STAB2: variants seen among roughly 807,000 people sequenced by gnomAD.
The protein encoded by STAB2 is stabilin 2.
STAB2 carries 288 observed loss-of-function variants against 338.1 expected under a neutral mutation model. The observed-to-expected ratio is 0.85, with a 90% CI of 0.77 to 0.94. STAB2 has a LOEUF of 0.94. STAB2 is among the 40% of genes least tolerant of loss of function. The pLI is 0.00. For synonymous variants in STAB2, 1,202 were observed against 1,193.3 expected (o/e 1.01, Z -0.15); for missense variants, 3,141 against 3,210.1 (o/e 0.98, Z 0.52).
chr12:103,594,367 G>A (rs754458120), intron 2 of STAB2, 28 bp from the exon 3 acceptor site: 1 of 1,570,590 alleles, frequency 6.4e-7, no homozygotes, highest in Admixed American at 1.7e-5. Flanking sequence ...TCTTATCGTG[G>A]GTTAATGTCC....
chr12:103,753,348 CAGA>C lies in STAB2; in HGVS notation c.6712_6714del (p.Lys2238del), dbSNP rs1401480000. 1.2e-6 allele frequency: 2 copies of C among 1,614,248 alleles called. No homozygotes were observed. Among genetic ancestry groups the C allele is most frequent in the Non-Finnish European group, 1.7e-6 (2 of 1,180,050 alleles). On this transcript the variant is annotated inframe_deletion and splice_region_variant, in exon 61 of 69. Coordinates refer to ENST00000388887, the MANE Select transcript of STAB2 (RefSeq NM_017564.10). ...AACCTACAACCAGCTCTCCTATGCC[CAGA>C]AGGTGGGTCTTCAGTTAGCAGATTC...
intron 9 of STAB2, among the ~76,000 whole-genome samples, chr12:103,646,396 C>A (rs1393723612): frequency 6.6e-6 from 1 of 152,192 alleles, no homozygotes; most frequent in African/African-American, 2.4e-5. Flanking sequence ...TCACTGTTGT[C>A]ATTATAGTCA....
At chr12:103,665,739 G>A (rs971385414) in intron 18 of STAB2, among the ~76,000 whole-genome samples, 1 of 152,126 alleles carries the variant, frequency 6.6e-6, no homozygotes, top group Non-Finnish European at 1.5e-5. Context: ...ACCTTCTGGG[G>A]CACAGAGCCA....
At chr12:103,676,209 G>C (rs1346896028) in intron 24 of STAB2, among the ~76,000 whole-genome samples, 188 bp downstream of exon 24, 1 of 151,858 alleles carries the variant, frequency 6.6e-6, no homozygotes, top group African/African-American at 2.4e-5. Context: ...TTACAGGCAC[G>C]TGCCACCACC....
chr12:103,619,081 T>C (rs1276234419), intron 3 of STAB2, among the ~76,000 whole-genome samples: 1 of 152,222 alleles, frequency 6.6e-6, no homozygotes, highest in Non-Finnish European at 1.5e-5. Flanking sequence ...TGTGGAACAG[T>C]GAGTCCATTA....
intron 9 of STAB2, among the ~76,000 whole-genome samples, chr12:103,643,830 G>A (rs868186827): frequency 3.3e-5 from 5 of 150,782 alleles, no homozygotes; most frequent in East Asian, 3.9e-4. Context: ...GGAGGGAGGT[G>A]GGGGGGTCAG....
chr12:103,706,646 A>G lies in STAB2; in HGVS notation c.3997-146A>G. The G allele has an allele frequency of 2.9e-6, 3 of 1,020,126 alleles. No individual in the cohort carries two copies. The East Asian group carries it at 7.8e-5, about 27-fold the overall frequency. The allele number at this position is 1,020,126 out of a possible 1,614,324, so 63.2% of individuals were successfully genotyped here. ...TTGCCAAGCCTCACCCAGTCCCCAG[A>G]GGGTCCTGCCCCCACCCCTCACCCA... On this transcript the variant is annotated intron_variant, in intron 37 of 68. Coordinates refer to ENST00000388887, the MANE Select transcript of STAB2 (RefSeq NM_017564.10).
chr12:103,647,525 T>C (rs1242593229), intron 9 of STAB2, among the ~76,000 whole-genome samples: 1 of 152,230 alleles, frequency 6.6e-6, no homozygotes, highest in Non-Finnish European at 1.5e-5. Flanking sequence ...GTGAAAGTCA[T>C]CTTCCTCATC....
chr12:103,619,751 C>A (rs116159759), intron 3 of STAB2, among the ~76,000 whole-genome samples: 1 of 149,060 alleles, frequency 6.7e-6, no homozygotes, highest in South Asian at 2.1e-4. Context: ...TCAGCAACGC[C>A]CCCCGCCCCC....
chr12:103,751,848 A>C (rs1883685030), intron 60 of STAB2, among the ~76,000 whole-genome samples: 1 of 152,226 alleles, frequency 6.6e-6, no homozygotes, highest in East Asian at 1.9e-4. Flanking sequence ...TGGCAGTGAT[A>C]CTAAGTGACT....
chr12:103,741,119 G>T (rs943578904), intron 55 of STAB2, among the ~76,000 whole-genome samples: 5 of 152,116 alleles, frequency 3.3e-5, no homozygotes, highest in African/African-American at 1.2e-4. Flanking sequence ...TCCCTTGGCA[G>T]GTGATGTACT....
intron 4 of STAB2, among the ~76,000 whole-genome samples, chr12:103,621,553 T>G (rs1957302278): frequency 6.6e-6 from 1 of 152,112 alleles, no homozygotes; most frequent in South Asian, 2.1e-4. Context: ...GCCAACATGG[T>G]GAAACCTGTC....
chr12:103,608,170 G>C (rs182160243), intron 3 of STAB2, among the ~76,000 whole-genome samples: 2 of 152,158 alleles, frequency 1.3e-5, no homozygotes, highest in East Asian at 3.8e-4. Context: ...GCAGAGCCTC[G>C]CTCTGTCGCC....
chr12:103,749,524 A>G (rs1292524914), intron 59 of STAB2, among the ~76,000 whole-genome samples: 2 of 151,992 alleles, frequency 1.3e-5, no homozygotes, highest in Admixed American at 1.3e-4. Flanking sequence ...ATCCTAAATA[A>G]AAGGCTTATT....
chr12:103,698,371 G>A (rs1413981011), intron 33 of STAB2, among the ~76,000 whole-genome samples: 2 of 152,050 alleles, frequency 1.3e-5, no homozygotes, highest in African/African-American at 2.4e-5. Flanking sequence ...TTGAAGTAGC[G>A]GGGTAAGAAG....
rs1566052071 is a variant in STAB2 at position 103,727,342 on chromosome 12, G to C, written c.4927G>C (p.Glu1643Gln). Residue 1643 changes from glutamate (E) to glutamine (Q), a missense_variant, in exon 47 of 69, where the codon GAA (glutamate) becomes CAA (glutamine). Physicochemically the swap from Glu to Gln is conservative, Grantham distance 29. Coordinates refer to ENST00000388887, the MANE Select transcript of STAB2 (RefSeq NM_017564.10). The part of the protein sequence containing the change: ...FAPLSAAFDE[E>Q]ARVKDWDKYG... ...ACCTTTATCTGCAGCCTTTGATGAG[G>C]AAGCTCGGGTGAGCATGAGACTGTG... 11 of 1,614,226 alleles carry C rather than the reference G, an allele frequency of 6.8e-6. No homozygotes were observed. The highest frequency in any genetic ancestry group is 7.6e-6 in the Non-Finnish European group (9 of 1,180,026).
chr12:103,633,793 T>A (rs1957502347), intron 6 of STAB2, among the ~76,000 whole-genome samples: 1 of 152,214 alleles, frequency 6.6e-6, no homozygotes, highest in Admixed American at 6.5e-5. Context: ...GAGGTTTATT[T>A]TCATTTGTTT....
Position 103,764,166 on chromosome 12 carries a change from T to C in STAB2, c.7605+558T>C, listed in dbSNP as rs145988279. 2.0e-3 allele frequency among the ~76,000 whole-genome samples: 297 copies of C among 152,238 alleles called. 2 individuals are homozygous for C. Among genetic ancestry groups the C allele is most frequent in the African/African-American group, 6.9e-3 (285 of 41,540 alleles). On this transcript the variant is annotated intron_variant, in intron 68 of 68. Coordinates refer to ENST00000388887, the MANE Select transcript of STAB2 (RefSeq NM_017564.10). ...CAGGGTTTCTCCATGTTGGTCAGGC[T>C]GGTCTCGAACTCCCAACCTCAGGTG...
intron 54 of STAB2, among the ~76,000 whole-genome samples, 164 bp downstream of exon 54, chr12:103,739,632 TG>T (rs1404395319): frequency 6.6e-6 from 1 of 151,144 alleles, no homozygotes; most frequent in Non-Finnish European, 1.5e-5. Flanking sequence ...ACAAAGCCAA[TG>T]GGGTAAGATA....
Sources: allele counts gnomAD v4.1 joint callset (sites outside exome capture counted in the v4.1 genomes callset), GRCh38; gene constraint gnomAD v4.1.1; transcripts MANE v1.5; gene names NCBI Gene and HGNC (gene_info 2026-07-23, HGNC 2026-07-21).